Variants in ZNF124 observed in about 807,000 individuals in gnomAD.
ZNF124 encodes zinc finger protein 124.
ZNF124 carries 25 observed loss-of-function variants against 26.6 expected under a neutral mutation model. The observed-to-expected ratio is 0.94, with a 90% CI of 0.68 to 1.31. The LOEUF (loss-of-function observed/expected upper bound fraction) is 1.31, where lower values mean the gene tolerates loss of function less well. ZNF124 is among the 40% of genes most tolerant of loss of function. The probability of loss-of-function intolerance (pLI) is 0.00; values close to 1 mark genes in which losing one functional copy is unlikely to be tolerated. For synonymous variants in ZNF124, 129 were observed against 133.3 expected (o/e 0.97, Z 0.22); for missense variants, 444 against 422.2 (o/e 1.05, Z -0.45).
chr1:247,160,554 A>G (rs1283601895), intron 1 of ZNF124, among the ~76,000 whole-genome samples: 1 of 152,344 alleles, frequency 6.6e-6, no homozygotes, highest in East Asian at 1.9e-4. Flanking sequence ...AGGCATCCCA[A>G]CAACCTAAGT....
intron 1 of ZNF124, among the ~76,000 whole-genome samples, chr1:247,161,360 G>A (rs1043223115): frequency 5.3e-5 from 8 of 152,002 alleles, no homozygotes; most frequent in African/African-American, 1.4e-4. Context: ...AAAGCTAACC[G>A]GTATTTAATT....
At chr1:247,142,423 A>AT (rs1672652121) in intron 3 of ZNF124, among the ~76,000 whole-genome samples, 2 of 152,150 alleles carry the variant, frequency 1.3e-5, no homozygotes, top group African/African-American at 4.8e-5. Context: ...GTCTTATGAC[A>AT]GTCATGCATT....
At chr1:247,142,414 T>C (rs1019717085) in intron 3 of ZNF124, among the ~76,000 whole-genome samples, 4 of 152,218 alleles carry the variant, frequency 2.6e-5, no homozygotes, top group African/African-American at 9.7e-5. Context: ...CTTTTGGCTG[T>C]CTTATGACAG....
rs1226652567 is a variant in ZNF124, at chr1:247,159,051, T to G, written c.173A>C (p.Asp58Ala). ...TTTGTACTGATCTTCAATGCTCTGG[T>G]CTTCCCCTTTGTTTCCTAAAATGTA... is the stretch of plus-strand genomic sequence containing the variant. ...NLASIGNKGE[D>A]QSIEDQYKNS... is the part of the protein sequence containing the mutation. Residue 58 changes from aspartate (D) to alanine (A), a missense_variant, in exon 3 of 4, where the codon GAC becomes GCC. Physicochemically the swap from Asp to Ala is moderately radical, Grantham distance 126 (BLOSUM62 -2). Coordinates refer to ENST00000543802, the MANE Select transcript of ZNF124 (RefSeq NM_001297568.2). 6.2e-7 allele frequency: 1 copy of G among 1,612,006 alleles called. No individual in the cohort carries two copies. The highest frequency in any genetic ancestry group is 8.5e-7 in the Non-Finnish European group (1 of 1,179,462).
At chr1:247,142,991 A>G (rs1672666891) in intron 3 of ZNF124, among the ~76,000 whole-genome samples, 1 of 152,002 alleles carries the variant, frequency 6.6e-6, no homozygotes, top group Non-Finnish European at 1.5e-5. Flanking sequence ...TTACATACTG[A>G]TTAGATAATT....
At chr1:247,165,470 C>T (rs748362560) in intron 1 of ZNF124, among the ~76,000 whole-genome samples, 1 of 152,036 alleles carries the variant, frequency 6.6e-6, no homozygotes, top group Non-Finnish European at 1.5e-5. Flanking sequence ...TGGAAGATAA[C>T]CTAGGAAATA....
intron 1 of ZNF124, among the ~76,000 whole-genome samples, chr1:247,166,682 A>G (rs1455197763): frequency 6.6e-6 from 1 of 152,254 alleles, no homozygotes; most frequent in African/African-American, 2.4e-5. Context: ...ACAAATGTCT[A>G]GAAACACACA....
At chr1:247,154,327 TCTC>T (rs1263122023), downstream of ZNF124, among the ~76,000 whole-genome samples, 3 of 152,134 alleles carry the variant, frequency 2.0e-5, no homozygotes, top group Admixed American at 1.3e-4. Flanking sequence ...TGCTTGTACT[TCTC>T]CTTCCTGCCA....
chr1:247,149,139 A>G (rs1672861698), intron 3 of ZNF124, among the ~76,000 whole-genome samples: 1 of 152,208 alleles, frequency 6.6e-6, no homozygotes, highest in South Asian at 2.1e-4. Context: ...CATTTAAAAA[A>G]ATCCTGAAAA....
chr1:247,167,209 C>T (rs545338061), intron 1 of ZNF124, among the ~76,000 whole-genome samples: 1 of 152,282 alleles, frequency 6.6e-6, no homozygotes, highest in East Asian at 1.9e-4. Context: ...ACCCTTTTCT[C>T]CCAAGATCAG....
intron 3 of ZNF124, among the ~76,000 whole-genome samples, chr1:247,125,379 A>G (rs1246417669): frequency 7.0e-6 from 1 of 143,574 alleles, no homozygotes; most frequent in African/African-American, 2.6e-5. Flanking sequence ...TCCCACCAGC[A>G]GGGTGTGAGG....
chr1:247,157,116 T>TA lies in ZNF124; in HGVS notation c.505_506insT (p.Lys169IlefsTer11). 1 of 1,614,122 alleles carries TA rather than the reference T, an allele frequency of 6.2e-7. No homozygotes were observed. Among genetic ancestry groups the TA allele is most frequent in the South Asian group, 1.1e-5 (1 of 91,076 alleles). On this transcript the variant is annotated frameshift_variant, in exon 4 of 4. Coordinates refer to ENST00000543802, the MANE Select transcript of ZNF124 (RefSeq NM_001297568.2). LOFTEE classifies it high-confidence loss of function. Reference sequence around the variant, plus strand: ...GCGTTTTTCTCCAGTGTGAATCCTTTTATGTCTATTAAGAGAACGGGAAAA... The same window carrying TA: ...GCGTTTTTCTCCAGTGTGAATCCTTTATATGTCTATTAAGAGAACGGGAAAA...
intron 1 of ZNF124, among the ~76,000 whole-genome samples, chr1:247,166,540 T>C (rs1389498135): frequency 6.6e-6 from 1 of 152,190 alleles, no homozygotes; most frequent in Non-Finnish European, 1.5e-5. Context: ...GAACCTAAAA[T>C]AAACATTTAC....
intron 3 of ZNF124, among the ~76,000 whole-genome samples, chr1:247,129,978 A>AT (rs1672294268): frequency 7.2e-6 from 1 of 139,814 alleles, no homozygotes; most frequent in Non-Finnish European, 1.5e-5. Flanking sequence ...GAGGGTGGAC[A>AT]TTGAGTACTT....
chr1:247,168,354 C>T lies in ZNF124; in HGVS notation c.30+3494G>A, dbSNP rs1361936704. On this transcript the variant is annotated intron_variant, in intron 1 of 3. Coordinates refer to ENST00000543802, the MANE Select transcript of ZNF124 (RefSeq NM_001297568.2). This position sits in a 1 kb window ranked among gnomAD's most constrained non-coding sequence, Gnocchi z 4.0. Reference sequence around the variant, plus strand: ...TACCAGCCTGGCCAACATGGCAAAACCCTGTCTCTACTAAAAATACAAAAA... The same window carrying T: ...TACCAGCCTGGCCAACATGGCAAAATCCTGTCTCTACTAAAAATACAAAAA... Among the ~76,000 whole-genome samples, 1 of 152,084 alleles carries T rather than the reference C, an allele frequency of 6.6e-6. No homozygotes were observed. Among genetic ancestry groups the T allele is most frequent in the Non-Finnish European group, 1.5e-5 (1 of 68,022 alleles).
At chr1:247,134,115 G>T (rs1175649529) in intron 3 of ZNF124, among the ~76,000 whole-genome samples, 1 of 151,966 alleles carries the variant, frequency 6.6e-6, no homozygotes, top group Non-Finnish European at 1.5e-5. Context: ...CACTAAATAC[G>T]GAAAGAAAAA....
At chr1:247,132,973 C>T (rs1012511402) in intron 3 of ZNF124, among the ~76,000 whole-genome samples, 1 of 152,168 alleles carries the variant, frequency 6.6e-6, no homozygotes, top group African/African-American at 2.4e-5. Context: ...CCTCTTTAAC[C>T]CGGTGTCTGA....
rs200750954 is a variant in ZNF124 at position 247,170,736 on chromosome 1, A to C, written c.30+1112T>G. On this transcript the variant is annotated intron_variant, in intron 1 of 3. Coordinates refer to ENST00000543802, the MANE Select transcript of ZNF124 (RefSeq NM_001297568.2). ...GATCGATTGACCAAGCAGGGGGTAC[A>C]TAACTGGGGGCTGCATGCACCGGCA... Among the ~76,000 whole-genome samples, 5 of 141,074 alleles carry C rather than the reference A, an allele frequency of 3.5e-5. No homozygotes were observed. The South Asian group carries it at 1.2e-3, about 35-fold the overall frequency. 92.6% of individuals were successfully genotyped at this position (141,074 alleles called of 152,430 possible).
downstream of ZNF124, among the ~76,000 whole-genome samples, chr1:247,153,547 T>C (rs1418434033): frequency 6.6e-6 from 1 of 152,240 alleles, no homozygotes; most frequent in Non-Finnish European, 1.5e-5. Context: ...AGTCTTTTCC[T>C]TTCTTGCTGT....
Sources: gnomAD v4.1 joint callset for allele counts (sites outside exome capture counted in the v4.1 genomes callset) on GRCh38, gnomAD v4.1.1 for gene constraint, Gnocchi (gnomAD v3.1) non-coding constraint, MANE v1.5 for transcripts, NCBI Gene and HGNC (gene_info 2026-07-23, HGNC 2026-07-21) for gene names.